MAGI1: variants seen among roughly 807,000 people sequenced by gnomAD.
MAGI1 encodes membrane-associated guanylate kinase, WW and PDZ domain-containing protein 1.
A neutral mutation model predicts 139.9 loss-of-function variants in MAGI1; 58 were observed. That is an observed-to-expected ratio of 0.41 (90% CI 0.34 to 0.52). The LOEUF (loss-of-function observed/expected upper bound fraction) is 0.52. Among genes scored for constraint, MAGI1 ranks in the 20% least tolerant of loss-of-function variants. MAGI1 has a pLI of 0.12. For missense variants in MAGI1, 1,874 were observed against 1,901.6 expected, an observed-to-expected ratio of 0.99 and a Z score of 0.27; for synonymous variants, 812 against 737.9, an observed-to-expected ratio of 1.10 and a Z score of -1.63.
intron 18 of MAGI1, among the ~76,000 whole-genome samples, chr3:65,372,782 T>C (rs539794320): frequency 1.4e-4 from 22 of 152,344 alleles, no homozygotes; most frequent in African/African-American, 5.3e-4. Flanking sequence ...GTTACGGAGA[T>C]GGTTTATTTC....
chr3:65,948,490 G>T (rs1218369779), intron 1 of MAGI1, among the ~76,000 whole-genome samples: 1 of 152,092 alleles, frequency 6.6e-6, no homozygotes, highest in Non-Finnish European at 1.5e-5. Context: ...AGAGCTTATG[G>T]TAACTTTTAA....
At chr3:65,793,359 A>G (rs1384930692) in intron 1 of MAGI1, among the ~76,000 whole-genome samples, 1 of 152,234 alleles carries the variant, frequency 6.6e-6, no homozygotes, top group Non-Finnish European at 1.5e-5. Context: ...AGCTAGTGAG[A>G]TGAACTCTCA....
chr3:65,557,421 C>A (rs1401872706), intron 2 of MAGI1, among the ~76,000 whole-genome samples: 1 of 152,208 alleles, frequency 6.6e-6, no homozygotes, highest in Non-Finnish European at 1.5e-5. Context: ...ATGACTGTAT[C>A]CCTGCCTGAC....
intron 1 of MAGI1, among the ~76,000 whole-genome samples, chr3:65,883,775 C>A (rs1293306317): frequency 6.6e-6 from 1 of 152,154 alleles, no homozygotes; most frequent in East Asian, 1.9e-4. Context: ...GAGGGAGAAA[C>A]AATGGCTGCA....
chr3:65,526,777 C>T (rs1406220292), intron 2 of MAGI1, among the ~76,000 whole-genome samples: 12 of 152,128 alleles, frequency 7.9e-5, no homozygotes, highest in Non-Finnish European at 1.6e-4. Flanking sequence ...CCTCAACTGA[C>T]ATTGTGGGTA....
intron 1 of MAGI1, among the ~76,000 whole-genome samples, chr3:66,033,975 T>C (rs1288250643): frequency 2.0e-5 from 3 of 152,198 alleles, no homozygotes; most frequent in African/African-American, 7.2e-5. Context: ...GCTCCAAGAA[T>C]GTGACTGGCA....
At chr3:65,751,733 C>CAT (rs992242774) in intron 1 of MAGI1, among the ~76,000 whole-genome samples, 3 of 152,080 alleles carry the variant, frequency 2.0e-5, no homozygotes, top group African/African-American at 4.8e-5. Context: ...ATGTGCATTC[C>CAT]ATATATATGT....
chr3:65,788,719 G>C (rs2039560683), intron 1 of MAGI1, among the ~76,000 whole-genome samples: 1 of 152,150 alleles, frequency 6.6e-6, no homozygotes, highest in South Asian at 2.1e-4. Flanking sequence ...AAATAAATCA[G>C]TGTTCAGAGA....
At chr3:65,431,254 T>C (rs899633450) in intron 10 of MAGI1, among the ~76,000 whole-genome samples, 3 of 152,326 alleles carry the variant, frequency 2.0e-5, no homozygotes, top group Admixed American at 1.3e-4. Context: ...TGTTTTGTTT[T>C]AATTTTATTT....
At chr3:65,687,449 G>A in intron 1 of MAGI1, 1 of 387,008 alleles carries the variant, frequency 2.6e-6, no homozygotes, top group Non-Finnish European at 5.2e-6. Context: ...AACACCTGAT[G>A]CAACTTCCTT....
intron 1 of MAGI1, among the ~76,000 whole-genome samples, chr3:65,938,436 T>C (rs1393484672): frequency 1.3e-5 from 2 of 151,410 alleles, no homozygotes; most frequent in Non-Finnish European, 2.9e-5. Flanking sequence ...CTCACTTATC[T>C]GTTCAAGGTG....
chr3:65,528,121 G>A (rs1254517484), intron 2 of MAGI1, among the ~76,000 whole-genome samples: 3 of 152,052 alleles, frequency 2.0e-5, no homozygotes, highest in Non-Finnish European at 4.4e-5. Flanking sequence ...TTGCTCCACT[G>A]CTATCATTTA....
chr3:65,658,019 C>A (rs1426667948), intron 1 of MAGI1, among the ~76,000 whole-genome samples: 1 of 152,102 alleles, frequency 6.6e-6, no homozygotes, highest in East Asian at 1.9e-4. Context: ...TAAGTGTGCA[C>A]ACAGAAAATA....
intron 1 of MAGI1, among the ~76,000 whole-genome samples, chr3:65,778,471 C>A (rs166431): frequency 1.4e-5 from 2 of 146,090 alleles, no homozygotes; most frequent in South Asian, 2.1e-4. Flanking sequence ...TTGAGAAATG[C>A]AGGAAGGGTT....
chr3:65,805,783 T>C (rs777907796), intron 1 of MAGI1, among the ~76,000 whole-genome samples: 2 of 152,208 alleles, frequency 1.3e-5, no homozygotes, highest in African/African-American at 2.4e-5. Context: ...TCATGTCCTT[T>C]GGAGGGACAT....
intron 1 of MAGI1, among the ~76,000 whole-genome samples, chr3:65,646,598 C>T (rs1208208149): frequency 6.6e-6 from 1 of 152,050 alleles, no homozygotes; most frequent in Admixed American, 6.6e-5. Context: ...GCAAAATGCA[C>T]ATTTTTTTCA....
intron 1 of MAGI1, among the ~76,000 whole-genome samples, chr3:65,734,231 G>T (rs747823742): frequency 1.3e-5 from 2 of 152,130 alleles, no homozygotes; most frequent in Non-Finnish European, 2.9e-5. Flanking sequence ...GAGGCAGGAG[G>T]TGGGAGGAAG....
intron 1 of MAGI1, among the ~76,000 whole-genome samples, chr3:65,994,927 A>G (rs2066361431): frequency 6.6e-6 from 1 of 152,206 alleles, no homozygotes; most frequent in Admixed American, 6.5e-5. Flanking sequence ...TCTGTCCTCC[A>G]CAAAGACCAG....
intron 1 of MAGI1, among the ~76,000 whole-genome samples, chr3:65,878,103 T>C (rs264703): frequency 0.33 from 49,260 of 151,254 alleles, 9,552 homozygotes; most frequent in African/African-American, 0.54. Flanking sequence ...AGAGTGAGGT[T>C]CTGTCTCAAA....
Sources: gnomAD v4.1 joint callset for allele counts (sites outside exome capture counted in the v4.1 genomes callset) on GRCh38, gnomAD v4.1.1 for gene constraint, MANE v1.5 for transcripts, NCBI Gene and HGNC (gene_info 2026-07-23, HGNC 2026-07-21) for gene names.